CACNA2D3: variants seen among roughly 807,000 people sequenced by gnomAD.
CACNA2D3 encodes voltage-dependent calcium channel subunit alpha-2/delta-3.
CACNA2D3 carries 60 observed loss-of-function variants against 160.6 expected under a neutral mutation model. That is an observed-to-expected ratio of 0.37 (90% CI 0.30 to 0.46). CACNA2D3 has a LOEUF of 0.46. Among genes scored for constraint, CACNA2D3 ranks in the 20% least tolerant of loss-of-function variants. The probability of loss-of-function intolerance (pLI) is 1.00; values close to 1 mark genes in which losing one functional copy is unlikely to be tolerated. For synonymous variants in CACNA2D3, 558 were observed against 492.9 expected, an observed-to-expected ratio of 1.13 and a Z score of -1.75; for missense variants, 1,205 against 1,365.0, an observed-to-expected ratio of 0.88 and a Z score of 1.85.
intron 35 of CACNA2D3, among the ~76,000 whole-genome samples, chr3:55,058,629 G>GT (rs892492026): frequency 6.7e-5 from 10 of 149,218 alleles, no homozygotes; most frequent in South Asian, 4.2e-4. Context: ...ATATATATAT[G>GT]TTTTTTTTAA....
rs936842013 is a variant in CACNA2D3, at chr3:54,468,894, C to T, written c.382-34598C>T. 2.1e-4 allele frequency among the ~76,000 whole-genome samples: 32 copies of T among 152,202 alleles called. No homozygotes were observed. In the East Asian group the frequency reaches 2.1e-3, roughly 10 times the overall value. On this transcript the variant is annotated intron_variant, in intron 4 of 37. Transcript: ENST00000474759. ...GCCTCTCTTGCCTCCTTTCTGGGTA[C>T]GACATCTCTGAAAGAAAGGCAGCAG... is the stretch of plus-strand genomic sequence containing the variant.
At chr3:55,051,165 AG>A (rs1261295047) in intron 35 of CACNA2D3, among the ~76,000 whole-genome samples, 12 of 152,058 alleles carry the variant, frequency 7.9e-5, no homozygotes, top group Non-Finnish European at 1.8e-4. Flanking sequence ...GTTCCTTTGG[AG>A]GAGGAGAGGT....
intron 12 of CACNA2D3, among the ~76,000 whole-genome samples, chr3:54,756,896 G>A (rs1373434683): frequency 6.6e-6 from 1 of 152,152 alleles, no homozygotes; most frequent in Non-Finnish European, 1.5e-5. Context: ...TGGAGCTTGT[G>A]AGTTTATTTC....
chr3:54,532,873 T>G (rs1701826941), intron 5 of CACNA2D3, among the ~76,000 whole-genome samples: 1 of 152,240 alleles, frequency 6.6e-6, no homozygotes, highest in African/African-American at 2.4e-5. Flanking sequence ...TGAGAAATTT[T>G]CATACTGTTT....
In CACNA2D3 at chr3:54,709,946, C is replaced by T. The variant is rs143093629; in HGVS notation, c.1168-42653C>T. Among the ~76,000 whole-genome samples the T allele has an allele frequency of 2.0e-4, 30 of 152,216 alleles. No individual in the cohort carries two copies. The South Asian group carries it at 4.8e-3, about 24-fold the overall frequency. ...TCTCTAAAATAAAAATAAAATCAGT[C>T]GCCTACCACCTGGTAGAGGTATTAT... is the stretch of plus-strand genomic sequence containing the variant. On this transcript the variant is annotated intron_variant, in intron 11 of 37. Transcript: ENST00000474759.
chr3:54,544,367 T>C (rs1335625488), intron 5 of CACNA2D3, among the ~76,000 whole-genome samples: 1 of 152,100 alleles, frequency 6.6e-6, no homozygotes, highest in African/African-American at 2.4e-5. Context: ...ATTCCTCCAA[T>C]CTTCTGATCT....
intron 11 of CACNA2D3, among the ~76,000 whole-genome samples, chr3:54,695,058 C>T (rs1168338681): frequency 6.6e-6 from 1 of 152,116 alleles, no homozygotes; most frequent in Non-Finnish European, 1.5e-5. Flanking sequence ...GCTCTTGTCA[C>T]CCAGGCTGGA....
intron 2 of CACNA2D3, among the ~76,000 whole-genome samples, chr3:54,175,064 C>A (rs1700650171): frequency 6.6e-6 from 1 of 152,166 alleles, no homozygotes; most frequent in African/African-American, 2.4e-5. Context: ...CCCCTGACTT[C>A]CCAAGACATT....
chr3:54,726,558 A>G (rs1439049876), intron 11 of CACNA2D3, among the ~76,000 whole-genome samples: 2 of 152,218 alleles, frequency 1.3e-5, no homozygotes, highest in East Asian at 3.8e-4. Context: ...ACTGGTACCA[A>G]AACAGAGATA....
At chr3:54,985,177 C>G (rs555501507) in intron 30 of CACNA2D3, among the ~76,000 whole-genome samples, 2 of 152,118 alleles carry the variant, frequency 1.3e-5, no homozygotes, top group African/African-American at 4.8e-5. Context: ...GCTCTCAACA[C>G]CGAGGGACAA....
chr3:54,271,748 G>A (rs1400322259), intron 2 of CACNA2D3, among the ~76,000 whole-genome samples: 9 of 152,196 alleles, frequency 5.9e-5, no homozygotes, highest in Admixed American at 5.9e-4. Flanking sequence ...CCTACATAGA[G>A]CCAAGGCATG....
chr3:54,636,511 T>G (rs1239933088), intron 10 of CACNA2D3, among the ~76,000 whole-genome samples: 1 of 151,228 alleles, frequency 6.6e-6, no homozygotes, highest in Non-Finnish European at 1.5e-5. Flanking sequence ...ATGTAGAGAG[T>G]GAGTTGAGCA....
In CACNA2D3 at chr3:54,471,066, G is replaced by A. The variant is rs187636761; in HGVS notation, c.382-32426G>A. Among the ~76,000 whole-genome samples, 18 of 152,282 alleles carry A rather than the reference G, an allele frequency of 1.2e-4. No individual in the cohort carries two copies. The East Asian group carries it at 3.5e-3, about 29-fold the overall frequency. On this transcript the variant is annotated intron_variant, in intron 4 of 37. Transcript: ENST00000474759. ...AGTTCTGGAACAAGCAGACCTAATAGACATCTACAGAACTCTCCACCCCAA... is the reference window on the plus strand; with the variant it reads ...AGTTCTGGAACAAGCAGACCTAATAAACATCTACAGAACTCTCCACCCCAA...
chr3:54,351,189 C>T (rs1212954793), intron 3 of CACNA2D3, among the ~76,000 whole-genome samples: 1 of 151,602 alleles, frequency 6.6e-6, no homozygotes, highest in Non-Finnish European at 1.5e-5. Context: ...CGCATGTTGG[C>T]CAGGCTGGTC....
chr3:54,401,240 A>C (rs1699457963), intron 4 of CACNA2D3, among the ~76,000 whole-genome samples: 1 of 152,222 alleles, frequency 6.6e-6, no homozygotes, highest in Non-Finnish European at 1.5e-5. Context: ...AGTCTGCAGA[A>C]CTTATGAAAT....
intron 13 of CACNA2D3, 54 bp from the exon 14 acceptor site, chr3:54,816,799 T>G: frequency 6.3e-7 from 1 of 1,598,860 alleles, no homozygotes. Flanking sequence ...CATTAATTAC[T>G]TATATAATGA....
intron 5 of CACNA2D3, among the ~76,000 whole-genome samples, chr3:54,508,949 G>A (rs908898504): frequency 6.6e-6 from 1 of 152,252 alleles, no homozygotes; most frequent in African/African-American, 2.4e-5. Flanking sequence ...GAAGTCTGAT[G>A]AGATGGCATT....
At chr3:54,687,586 C>CA (rs1484003476) in intron 11 of CACNA2D3, among the ~76,000 whole-genome samples, 1 of 152,122 alleles carries the variant, frequency 6.6e-6, no homozygotes, top group East Asian at 1.9e-4. Flanking sequence ...TTGAAATAGA[C>CA]TATCTAAACC....
chr3:54,730,318 T>C (rs1701362649), intron 11 of CACNA2D3, among the ~76,000 whole-genome samples: 1 of 152,160 alleles, frequency 6.6e-6, no homozygotes, highest in South Asian at 2.1e-4. Flanking sequence ...TGTGAAACTC[T>C]GAGTTAAACT....
Sources: allele counts gnomAD v4.1 joint callset (sites outside exome capture counted in the v4.1 genomes callset), GRCh38; gene constraint gnomAD v4.1.1; transcripts MANE v1.5; gene names NCBI Gene and HGNC (gene_info 2026-07-23, HGNC 2026-07-21).